PTGR3: variants seen among roughly 807,000 people sequenced by gnomAD.
PTGR3 encodes the protein zinc binding alcohol dehydrogenase domain containing 2.
At chr18:75,201,879 T>C in the PTGR3 span, 2 of 1,614,194 alleles carry the variant, frequency 1.2e-6, no homozygotes, top group South Asian at 1.1e-5. Context: ...TTCAGTTTTA[T>C]AGTTGATAGG....
chr18:75,209,100 G>A, the PTGR3 span: 28 of 1,425,970 alleles, frequency 2.0e-5, no homozygotes, highest in Non-Finnish European at 2.6e-5. This position sits in a 1 kb window ranked among gnomAD's most constrained non-coding sequence, Gnocchi z 4.7. Flanking sequence ...CGCTGGCCGG[G>A]GTCGGCCCCC....
At chr18:75,197,989 T>G in the PTGR3 span, 1 of 152,202 alleles carries the variant, frequency 6.6e-6, no homozygotes. Context: ...TATGTCCACA[T>G]GGTAAAGTAA....
At chr18:75,201,495 G>T in the PTGR3 span, 4 of 1,614,024 alleles carry the variant, frequency 2.5e-6, no homozygotes, top group Admixed American at 5.0e-5. Context: ...ATAATTGACA[G>T]CACGGAATAT....
At chr18:75,208,568 G>T in the PTGR3 span, 1 of 1,073,082 alleles carries the variant, frequency 9.3e-7, no homozygotes, top group Non-Finnish European at 1.1e-6. Context: ...AGGGGGAGGA[G>T]GGAGGGCTGG....
chr18:75,204,254 C>A, the PTGR3 span, among the ~76,000 whole-genome samples: 1 of 152,138 alleles, frequency 6.6e-6, no homozygotes, highest in African/African-American at 2.4e-5. Context: ...GAAAATGCAA[C>A]CCCCCCTCTC....
the PTGR3 span, chr18:75,201,604 T>C: frequency 6.2e-7 from 1 of 1,614,218 alleles, no homozygotes; most frequent in South Asian, 1.1e-5. Context: ...AAGTGGCTCA[T>C]GGCTGCTTGA....
At chr18:75,202,165 A>C in the PTGR3 span, 1 of 1,614,100 alleles carries the variant, frequency 6.2e-7, no homozygotes, top group Non-Finnish European at 8.5e-7. Context: ...TACTCAGCAA[A>C]AGAACCAGGT....
chr18:75,208,959 G>A, the PTGR3 span: 3 of 1,595,022 alleles, frequency 1.9e-6, no homozygotes, highest in Non-Finnish European at 2.6e-6. Context: ...ACCAGCTTCT[G>A]CATGGCTTGG....
At chr18:75,201,194 T>C in the PTGR3 span, 2 of 540,982 alleles carry the variant, frequency 3.7e-6, no homozygotes, top group Admixed American at 6.8e-5. Context: ...TGTAAGCGTT[T>C]TCCCTCTTAG....
chr18:75,203,734 G>A, the PTGR3 span, among the ~76,000 whole-genome samples: 1 of 150,622 alleles, frequency 6.6e-6, no homozygotes, highest in Non-Finnish European at 1.5e-5. Context: ...TTAATATCAA[G>A]ATGCCTACGT....
chr18:75,208,135 G>A, the PTGR3 span, among the ~76,000 whole-genome samples: 2 of 152,186 alleles, frequency 1.3e-5, no homozygotes, highest in Non-Finnish European at 2.9e-5. Flanking sequence ...AGAAGGTCTC[G>A]CAACAACCCG....
At chr18:75,195,630 G>A in the PTGR3 span, 4 of 152,086 alleles carry the variant, frequency 2.6e-5, no homozygotes, top group Non-Finnish European at 4.4e-5. Flanking sequence ...AAAGCAACTG[G>A]GGCATGTTGC....
At chr18:75,200,374 G>T in the PTGR3 span, 1 of 152,250 alleles carries the variant, frequency 6.6e-6, no homozygotes, top group African/African-American at 2.4e-5. Flanking sequence ...AAATGGGAAT[G>T]CAGAATGAGT....
chr18:75,202,008 G>A, the PTGR3 span: 1 of 1,614,186 alleles, frequency 6.2e-7, no homozygotes, highest in South Asian at 1.1e-5. Context: ...TCCCCCAGCT[G>A]CTGCTGTCAC....
chr18:75,205,615 C>G, the PTGR3 span: 13 of 477,094 alleles, frequency 2.7e-5, no homozygotes, highest in Non-Finnish European at 3.6e-5. Flanking sequence ...GGGAGAGGAA[C>G]GCTTTCCTCT....
chr18:75,205,157 G>GACCCT, the PTGR3 span: 1 of 985,528 alleles, frequency 1.0e-6, no homozygotes, highest in Non-Finnish European at 1.2e-6. Flanking sequence ...GGCTGGTGAG[G>GACCCT]ACCCTCCACA....
the PTGR3 span, chr18:75,201,663 T>A: frequency 2.5e-6 from 4 of 1,614,064 alleles, no homozygotes; most frequent in Non-Finnish European, 3.4e-6. Context: ...GCTGGCAGAT[T>A]TCTTGAGCAG....
the PTGR3 span, chr18:75,196,185 C>T: frequency 6.6e-6 from 1 of 152,180 alleles, no homozygotes; most frequent in Admixed American, 6.5e-5. Flanking sequence ...TTTCTGAGCT[C>T]TAAGCATAAA....
At chr18:75,206,509 C>T in the PTGR3 span, among the ~76,000 whole-genome samples, 1 of 152,284 alleles carries the variant, frequency 6.6e-6, no homozygotes. Flanking sequence ...AATGAACTAA[C>T]CTGCAGTGAA....
Sources: gnomAD v4.1 joint callset for allele counts (sites outside exome capture counted in the v4.1 genomes callset) on GRCh38, gnomAD v4.1.1 for gene constraint, Gnocchi (gnomAD v3.1) non-coding constraint, MANE v1.5 for transcripts, NCBI Gene and HGNC (gene_info 2026-07-23, HGNC 2026-07-21) for gene names.